Variants in DGCR2 observed in about 807,000 individuals in gnomAD.
The protein encoded by DGCR2 is integral membrane protein DGCR2/IDD.
In DGCR2, 24 loss-of-function variants were observed where a neutral mutation model predicts 51.6. The observed-to-expected ratio is 0.47, with a 90% CI of 0.34 to 0.65. The LOEUF (loss-of-function observed/expected upper bound fraction) is 0.65, where lower values mean the gene tolerates loss of function less well. Ranked by LOEUF, DGCR2 falls within the 30% of genes least tolerant of loss-of-function variation. The pLI, the probability that DGCR2 is intolerant of heterozygous loss-of-function variation, is 0.01. For missense variants in DGCR2, 765 were observed against 772.1 expected, an observed-to-expected ratio of 0.99 and a Z score of 0.11; for synonymous variants, 340 against 315.4, an observed-to-expected ratio of 1.08 and a Z score of -0.82.
At position 19,041,907 on chromosome 22, in the gene DGCR2, G is replaced by A. The variant is rs1424711364; in HGVS notation, c.1059C>T (p.Ser353=). Residue 353 remains serine, a synonymous_variant, in exon 8 of 10, where the codon AGC becomes AGT. Transcript: ENST00000263196. ...SMASGMRLVV[S]CISSFLILSL... is the part of the protein sequence containing the mutation. ...ACAGGATGAGGAAGGAGGAGATGCA[G>A]CTGACGACCAGGCGCATCCCGCTGG... is the stretch of plus-strand genomic sequence containing the variant. 1 of 1,613,716 alleles carries A rather than the reference G, an allele frequency of 6.2e-7. No homozygotes were observed.
At chr22:19,049,380 G>C (rs1172015626) in intron 6 of DGCR2, among the ~76,000 whole-genome samples, 1 of 152,086 alleles carries the variant, frequency 6.6e-6, no homozygotes, top group Non-Finnish European at 1.5e-5. Flanking sequence ...GCCTGGAGGA[G>C]AGACAAGGAA....
chr22:19,121,095 GCACAGGAGAGGGC>G (rs1364815023), intron 1 of DGCR2, among the ~76,000 whole-genome samples: 2 of 152,356 alleles, frequency 1.3e-5, no homozygotes, highest in Non-Finnish European at 2.9e-5. Context: ...CCTGGCTAGG[GCACAGGAGAGGGC>G]CACACACCCC....
chr22:19,090,884 A>G (rs2083070844), intron 1 of DGCR2, among the ~76,000 whole-genome samples: 1 of 152,244 alleles, frequency 6.6e-6, no homozygotes, highest in Non-Finnish European at 1.5e-5. Context: ...AAACTTGCCT[A>G]ATCAATAAAT....
At chr22:19,113,831 G>C (rs573792425) in intron 1 of DGCR2, among the ~76,000 whole-genome samples, 12 of 152,284 alleles carry the variant, frequency 7.9e-5, no homozygotes, top group African/African-American at 2.9e-4. Context: ...GGCCAAGGCA[G>C]ACGGATCACC....
At chr22:19,071,289 C>T (rs1048169382) in intron 2 of DGCR2, among the ~76,000 whole-genome samples, 1 of 152,220 alleles carries the variant, frequency 6.6e-6, no homozygotes, top group African/African-American at 2.4e-5. Context: ...AGAGCAAGTT[C>T]AACAAGGAAA....
At position 19,068,669 on chromosome 22, in the gene DGCR2, T is replaced by C. The variant is rs2145976496; in HGVS notation, c.203-444A>G. Reference sequence around the variant, plus strand: ...GAGACCCACGTGTGCAACCTTCCTCTGCAGCCCTTGTCCTGGGGCCTGAGC... The same window carrying C: ...GAGACCCACGTGTGCAACCTTCCTCCGCAGCCCTTGTCCTGGGGCCTGAGC... On this transcript the variant is annotated intron_variant, in intron 2 of 9. Transcript: ENST00000263196. Among the ~76,000 whole-genome samples the C allele has an allele frequency of 2.6e-5, 4 of 152,350 alleles. 1 individual carries two copies. The East Asian group carries it at 7.7e-4, about 29-fold the overall frequency.
At chr22:19,078,095 C>T (rs754254186) in intron 2 of DGCR2, among the ~76,000 whole-genome samples, 2 of 152,234 alleles carry the variant, frequency 1.3e-5, no homozygotes, top group Non-Finnish European at 2.9e-5. Flanking sequence ...TCCCAAAATG[C>T]TGGGATTACA....
At chr22:19,119,786 T>C (rs1359150145) in intron 1 of DGCR2, among the ~76,000 whole-genome samples, 1 of 149,274 alleles carries the variant, frequency 6.7e-6, no homozygotes, top group African/African-American at 2.5e-5. Flanking sequence ...CAGCAAGCAC[T>C]TGCTGCCCCA....
chr22:19,084,598 G>A (rs1272291042), intron 2 of DGCR2, among the ~76,000 whole-genome samples: 1 of 147,436 alleles, frequency 6.8e-6, no homozygotes, highest in Non-Finnish European at 1.5e-5. Context: ...GAGCCCCTCC[G>A]CCCGGCAGCC....
At chr22:19,117,437 C>G (rs62221755) in intron 1 of DGCR2, among the ~76,000 whole-genome samples, 14,285 of 152,304 alleles carry the variant, frequency 0.094, 739 homozygotes, top group Middle Eastern at 0.15. Context: ...CCCATGAGAC[C>G]TTCCCACGTG....
chr22:19,039,019 G>C lies in DGCR2; in HGVS notation c.1499C>G (p.Ala500Gly). 1 of 1,612,714 alleles carries C rather than the reference G, an allele frequency of 6.2e-7. No individual in the cohort carries two copies. Among genetic ancestry groups the C allele is most frequent in the Non-Finnish European group, 8.5e-7 (1 of 1,179,758 alleles). ...TTCCAGGTCTGCCAGAGAGGCCCCC[G>C]CAGTGGGCAGAGGCTGCTCCAGGCG... ...LRRLEQPLPT[A>G]GASLADLEDS... The change falls in exon 10 of 10, where the codon GCG becomes GGG. Residue 500 changes from alanine (A) to glycine (G), a missense_variant. Physicochemically the swap from Ala to Gly is moderately conservative, Grantham distance 60. Transcript: ENST00000263196.
chr22:19,059,206 G>A (rs1250071935), intron 5 of DGCR2, among the ~76,000 whole-genome samples: 1 of 152,190 alleles, frequency 6.6e-6, no homozygotes, highest in Non-Finnish European at 1.5e-5. Context: ...AGGGAGCAGA[G>A]GTGAAAAGGA....
At chr22:19,102,372 G>A (rs1461541385) in intron 1 of DGCR2, among the ~76,000 whole-genome samples, 1 of 152,154 alleles carries the variant, frequency 6.6e-6, no homozygotes, top group African/African-American at 2.4e-5. Flanking sequence ...CATTCTGCAT[G>A]TTCTTAGCAC....
intron 8 of DGCR2, 127 bp downstream of exon 8, chr22:19,041,680 C>T (rs2082433112): frequency 9.0e-7 from 1 of 1,108,618 alleles, no homozygotes; most frequent in East Asian, 2.4e-5. Context: ...AGGACACAGA[C>T]CCCACAACAT....
In DGCR2 at chr22:19,037,493, C is replaced by T. The variant is rs541958476; in HGVS notation, c.*1372G>A. ...TCTGGAAAGACTGAGCGAGACAGCACTGCCTCAGCACAGCCCAGGATGCAT... is the reference window on the plus strand; with the variant it reads ...TCTGGAAAGACTGAGCGAGACAGCATTGCCTCAGCACAGCCCAGGATGCAT... On this transcript the variant is annotated 3_prime_UTR_variant, in exon 10 of 10. Coordinates refer to ENST00000263196, the MANE Select transcript of DGCR2 (RefSeq NM_005137.3). 2.0e-5 allele frequency: 3 copies of T among 152,410 alleles called. No individual in the cohort carries two copies. Among genetic ancestry groups the T allele is most frequent in the East Asian group, 3.9e-4 (2 of 5,182 alleles). The allele number at this position is 152,410 out of a possible 1,614,324, so 9.4% of individuals were successfully genotyped here. A position where few individuals can be genotyped will look rare whatever the true frequency, so the allele number is the denominator to read the frequency against.
At chr22:19,071,256 TCCCCAGCACAGGAACACA>T (rs2082811896) in intron 2 of DGCR2, among the ~76,000 whole-genome samples, 1 of 151,976 alleles carries the variant, frequency 6.6e-6, no homozygotes, top group African/African-American at 2.4e-5. Flanking sequence ...CGCTGCTGCT[TCCCCAGCACAGGAACACA>T]CTGGAGAGCA....
intron 1 of DGCR2, among the ~76,000 whole-genome samples, chr22:19,111,854 TTA>T (rs1569090061): frequency 5.3e-4 from 73 of 136,898 alleles, no homozygotes; most frequent in African/African-American, 2.0e-3. Flanking sequence ...TATTTTTTAT[TTA>T]TTTATTTTTT....
At position 19,041,172 on chromosome 22, in the gene DGCR2, C is replaced by G. The variant is rs1475760281; in HGVS notation, c.1282G>C (p.Asp428His). Residue 428 changes from aspartate to histidine, a missense_variant, in exon 9 of 10, where the codon GAC becomes CAC. Transcript: ENST00000263196. ...TATGCCGTGTAGGGAGGTGGAGGGT[C>G]GTGGAAATGGAAAGTCCCACCCTCT... ...DGEGGTFHFH[D>H]PPPPYTAYKY... 1 of 1,613,902 alleles carries G rather than the reference C, an allele frequency of 6.2e-7. No individual in the cohort carries two copies. The highest frequency in any genetic ancestry group is 8.5e-7 in the Non-Finnish European group (1 of 1,179,934).
At chr22:19,045,332 T>C (rs1199049767) in intron 7 of DGCR2, 2 of 152,034 alleles carry the variant, frequency 1.3e-5, no homozygotes, top group Non-Finnish European at 2.9e-5. Context: ...GTTGTACTCT[T>C]TTCCCGTTCT....
Sources: gnomAD v4.1 joint callset for allele counts (sites outside exome capture counted in the v4.1 genomes callset) on GRCh38, gnomAD v4.1.1 for gene constraint, MANE v1.5 for transcripts, NCBI Gene and HGNC (gene_info 2026-07-23, HGNC 2026-07-21) for gene names.